Variants in KCNN2 observed in about 807,000 individuals in gnomAD.
The protein encoded by KCNN2 is small conductance calcium-activated potassium channel protein 2.
KCNN2 carries 24 observed loss-of-function variants against 55.5 expected under a neutral mutation model. The ratio of observed to expected loss-of-function variants is 0.43; its 90% confidence interval spans 0.31 to 0.61. The LOEUF (loss-of-function observed/expected upper bound fraction) is 0.61, where lower values mean the gene tolerates loss of function less well. Among genes scored for constraint, KCNN2 ranks in the 20% least tolerant of loss-of-function variants. The probability of loss-of-function intolerance (pLI) is 0.08; values close to 1 mark genes in which losing one functional copy is unlikely to be tolerated. For synonymous variants in KCNN2, 431 were observed against 336.1 expected (o/e 1.28, Z -3.09); for missense variants, 754 against 853.6 (o/e 0.88, Z 1.45).
At chr5:114,122,114 A>T (rs560143559) in intron 1 of KCNN2, among the ~76,000 whole-genome samples, 19 of 152,352 alleles carry the variant, frequency 1.2e-4, no homozygotes, top group South Asian at 6.2e-4. Flanking sequence ...AGAAGCCAGT[A>T]TTTATAGGCA....
chr5:114,145,317 G>A (rs999190141), intron 1 of KCNN2, among the ~76,000 whole-genome samples: 6 of 152,206 alleles, frequency 3.9e-5, no homozygotes, highest in Non-Finnish European at 5.9e-5. Context: ...AAATAACACA[G>A]TTCCTTCTGA....
intron 2 of KCNN2, among the ~76,000 whole-genome samples, chr5:114,242,176 G>A (rs1561537475): frequency 2.0e-5 from 3 of 151,892 alleles, no homozygotes; most frequent in Non-Finnish European, 4.4e-5. Flanking sequence ...TATTTAGAGG[G>A]AGGTATGATC....
At chr5:114,235,436 TAAAAC>T (rs906362827) in intron 2 of KCNN2, among the ~76,000 whole-genome samples, 2 of 152,130 alleles carry the variant, frequency 1.3e-5, no homozygotes, top group Non-Finnish European at 2.9e-5. Context: ...CAGTGTCAAA[TAAAAC>T]AAAACAATTA....
intron 3 of KCNN2, among the ~76,000 whole-genome samples, chr5:114,434,590 A>C (rs1472084737): frequency 1.3e-5 from 2 of 152,204 alleles, no homozygotes; most frequent in African/African-American, 4.8e-5. Flanking sequence ...GGTCTGTTGT[A>C]ATCCCCTGGT....
chr5:114,490,661 T>C, intron 6 of KCNN2: 1 of 398,154 alleles, frequency 2.5e-6, no homozygotes, highest in Non-Finnish European at 4.4e-6. Context: ...TCTTTTGTTT[T>C]GTCTTTTTAT....
chr5:114,134,168 T>A (rs6885416), intron 1 of KCNN2, among the ~76,000 whole-genome samples: 3,603 of 151,706 alleles, frequency 0.024, 158 homozygotes, highest in African/African-American at 0.082. Context: ...CCGGCTTTTT[T>A]TTCTCTTCCC....
intron 5 of KCNN2, among the ~76,000 whole-genome samples, chr5:114,476,720 C>T (rs1017782445): frequency 3.3e-5 from 5 of 151,818 alleles, no homozygotes; most frequent in South Asian, 4.2e-4. Flanking sequence ...CGCACCTGGC[C>T]GACAGATCCA....
At chr5:114,160,635 G>A (rs888318242) in intron 1 of KCNN2, among the ~76,000 whole-genome samples, 1 of 152,130 alleles carries the variant, frequency 6.6e-6, no homozygotes, top group African/African-American at 2.4e-5. Context: ...TTGTGTGGGA[G>A]TCTAAGTCTC....
In KCNN2 at chr5:114,151,253, G is replaced by C. The variant is rs374370699; in HGVS notation, c.-270-70227G>C. 4.6e-5 allele frequency among the ~76,000 whole-genome samples: 7 copies of C among 152,192 alleles called. No individual in the cohort carries two copies. The South Asian group carries it at 1.0e-3, about 23-fold the overall frequency. ...ATCACAGAGCTTAAGGGATCTTAGA[G>C]CTAACCCTCTCACTCATTTTTGATT... On this transcript the variant is annotated intron_variant, in intron 1 of 10. Transcript: ENST00000512097.
At chr5:114,449,363 T>C (rs1760550343) in intron 3 of KCNN2, among the ~76,000 whole-genome samples, 1 of 152,200 alleles carries the variant, frequency 6.6e-6, no homozygotes, top group African/African-American at 2.4e-5. Flanking sequence ...CTCAGGTATG[T>C]CACCTTGCTT....
intron 1 of KCNN2, among the ~76,000 whole-genome samples, chr5:114,118,144 C>G (rs988921958): frequency 6.6e-6 from 1 of 152,176 alleles, no homozygotes; most frequent in Non-Finnish European, 1.5e-5. Context: ...ACCTTTACAG[C>G]ATTTCCCTAG....
intron 2 of KCNN2, among the ~76,000 whole-genome samples, chr5:114,221,937 A>G (rs1279800397): frequency 6.6e-6 from 1 of 152,198 alleles, no homozygotes; most frequent in Non-Finnish European, 1.5e-5. Context: ...ACAAAATACT[A>G]TAGCTTCTTT....
chr5:114,496,343 ACT>A lies in KCNN2; in HGVS notation c.*164_*165del, dbSNP rs1219589756. On this transcript the variant is annotated 3_prime_UTR_variant, in exon 8 of 8. Coordinates refer to ENST00000673685, the MANE Select transcript of KCNN2 (RefSeq NM_021614.4). ...AAGTTTTAGGCCAAAATGAGTGAAA[ACT>A]CTTTTTTTTTCTTTCAGATGCACAG... 29 of 698,274 alleles carry A rather than the reference ACT, an allele frequency of 4.2e-5. No homozygotes were observed. The highest frequency in any genetic ancestry group is 5.7e-5 in the Non-Finnish European group (25 of 438,724). The allele number at this position is 698,274 out of a possible 1,614,324, so 43.3% of individuals were successfully genotyped here.
chr5:114,246,182 G>C (rs4360033), intron 2 of KCNN2, among the ~76,000 whole-genome samples: 121,661 of 152,138 alleles, frequency 0.8, 48,937 homozygotes, highest in East Asian at 0.9. Context: ...ATAAGTACTT[G>C]TTGTAGATAT....
intron 3 of KCNN2, among the ~76,000 whole-genome samples, chr5:114,425,347 A>G (rs1362288929): frequency 1.3e-5 from 2 of 152,192 alleles, no homozygotes; most frequent in Non-Finnish European, 2.9e-5. Context: ...TAGGACCTAC[A>G]CCAACAGTCA....
intron 1 of KCNN2, among the ~76,000 whole-genome samples, chr5:114,193,317 T>C (rs1753486975): frequency 6.6e-6 from 1 of 152,116 alleles, no homozygotes; most frequent in Admixed American, 6.6e-5. Context: ...CTAACATGAA[T>C]TGTCTCTGGG....
At chr5:114,107,604 C>T (rs1285450407) in intron 1 of KCNN2, among the ~76,000 whole-genome samples, 1 of 151,744 alleles carries the variant, frequency 6.6e-6, no homozygotes, top group Non-Finnish European at 1.5e-5. Flanking sequence ...TCTGTGTTGC[C>T]ATGCTGTTCT....
chr5:114,141,271 C>T (rs373983584), intron 1 of KCNN2, among the ~76,000 whole-genome samples: 9 of 152,170 alleles, frequency 5.9e-5, no homozygotes, highest in African/African-American at 2.2e-4. Context: ...CTAATGCTAT[C>T]CCTCTGTCTC....
intron 2 of KCNN2, among the ~76,000 whole-genome samples, chr5:114,248,056 AATGTTCAAC>A (rs1483692056): frequency 1.3e-5 from 2 of 152,194 alleles, no homozygotes; most frequent in African/African-American, 2.4e-5. Flanking sequence ...TGTGAGCAAG[AATGTTCAAC>A]ATGTTGCCTT....
Sources: gnomAD v4.1 joint callset for allele counts (sites outside exome capture counted in the v4.1 genomes callset) on GRCh38, gnomAD v4.1.1 for gene constraint, MANE v1.5 for transcripts, NCBI Gene and HGNC (gene_info 2026-07-23, HGNC 2026-07-21) for gene names.